YWHAQ: variants seen among roughly 807,000 people sequenced by gnomAD.
YWHAQ encodes the protein tyrosine 3-monooxygenase/tryptophan 5-monooxygenase activation protein theta.
In YWHAQ, 6 loss-of-function variants were observed where a neutral mutation model predicts 28.3. The observed-to-expected ratio is 0.21, with a 90% CI of 0.12 to 0.42. YWHAQ has a LOEUF of 0.42. YWHAQ is among the 10% of genes least tolerant of loss of function. The pLI is 1.00. For missense variants in YWHAQ, 201 were observed against 305.6 expected (o/e 0.66, Z 2.55); for synonymous variants, 143 against 119.1 (o/e 1.20, Z -1.31).
At chr2:9,611,564 G>A (rs931794781) in intron 2 of YWHAQ, among the ~76,000 whole-genome samples, 2 of 152,100 alleles carry the variant, frequency 1.3e-5, no homozygotes, top group African/African-American at 4.8e-5. Flanking sequence ...CATCTTTTGG[G>A]AAATACCCCC....
chr2:9,627,116 T>A (rs542810532), intron 2 of YWHAQ, among the ~76,000 whole-genome samples: 2 of 152,380 alleles, frequency 1.3e-5, no homozygotes, highest in South Asian at 4.1e-4. Flanking sequence ...TTTTTTGTGC[T>A]TCCACGGTTC....
At chr2:9,609,565 A>C (rs1045356998) in intron 2 of YWHAQ, among the ~76,000 whole-genome samples, 1 of 150,830 alleles carries the variant, frequency 6.6e-6, no homozygotes, top group Non-Finnish European at 1.5e-5. Flanking sequence ...TAGGAAAAGC[A>C]CAATAAATCC....
At chr2:9,604,987 T>G (rs186405278) in intron 2 of YWHAQ, among the ~76,000 whole-genome samples, 1 of 152,318 alleles carries the variant, frequency 6.6e-6, no homozygotes, top group African/African-American at 2.4e-5. Flanking sequence ...CATGTTGAAA[T>G]GGATGCAACA....
In YWHAQ at chr2:9,586,508, G is replaced by A. The variant is rs577235435; in HGVS notation, c.678+906C>T. Among the ~76,000 whole-genome samples, 47 of 152,236 alleles carry A rather than the reference G, an allele frequency of 3.1e-4. 1 individual carries two copies. In the Middle Eastern group the frequency reaches 0.017, roughly 55 times the overall value. On this transcript the variant is annotated intron_variant, in intron 5 of 5. Coordinates refer to ENST00000238081, the MANE Select transcript of YWHAQ (RefSeq NM_006826.4). ...CGATTAAAAGATAGTTAGCTCCAAG[G>A]TATACATCTGGGAAGAGGTATAACT...
chr2:9,591,596 G>A (rs1366455576), intron 2 of YWHAQ, 81 bp from the exon 3 acceptor site: 1 of 1,504,264 alleles, frequency 6.6e-7, no homozygotes, highest in Admixed American at 1.9e-5. Context: ...CTTCTGCCTA[G>A]CGGGCATTTC....
intron 2 of YWHAQ, among the ~76,000 whole-genome samples, chr2:9,609,478 G>C (rs1342074410): frequency 5.3e-5 from 8 of 152,086 alleles, no homozygotes; most frequent in African/African-American, 1.7e-4. Flanking sequence ...TTTCAGGAGA[G>C]AACAGAAAGA....
At chr2:9,600,711 A>C (rs923420078) in intron 2 of YWHAQ, among the ~76,000 whole-genome samples, 1 of 151,450 alleles carries the variant, frequency 6.6e-6, no homozygotes, top group Admixed American at 6.6e-5. Flanking sequence ...GTCTCAAAAA[A>C]AAAGAAAAAA....
chr2:9,610,802 C>A (rs1382674008), intron 2 of YWHAQ, among the ~76,000 whole-genome samples: 1 of 152,110 alleles, frequency 6.6e-6, no homozygotes, highest in Non-Finnish European at 1.5e-5. Flanking sequence ...GCCACCGCAC[C>A]CTGCCTACTC....
chr2:9,587,790 T>C (rs1485445224), intron 4 of YWHAQ, among the ~76,000 whole-genome samples: 3 of 152,260 alleles, frequency 2.0e-5, no homozygotes, highest in Non-Finnish European at 2.9e-5. Flanking sequence ...AAGTAGTACT[T>C]ATCTCTACAG....
intron 2 of YWHAQ, among the ~76,000 whole-genome samples, chr2:9,597,418 T>A (rs11902431): frequency 0.17 from 25,999 of 151,910 alleles, 3,125 homozygotes; most frequent in African/African-American, 0.34. Context: ...GAGGCCGGGG[T>A]GGGCGGATCA....
Position 9,590,836 on chromosome 2 carries a change from T to C in YWHAQ, c.418+556A>G, listed in dbSNP as rs1666441753. Among the ~76,000 whole-genome samples, 3 of 152,226 alleles carry C rather than the reference T, an allele frequency of 2.0e-5. No individual in the cohort carries two copies. In the South Asian group the frequency reaches 6.2e-4, roughly 32 times the overall value. Reference sequence around the variant, plus strand: ...AACCTAACCATGAGTCATTCAAACTTACTGTGAAGTTGGAGCAAGTTATAC... The same window carrying C: ...AACCTAACCATGAGTCATTCAAACTCACTGTGAAGTTGGAGCAAGTTATAC... On this transcript the variant is annotated intron_variant, in intron 3 of 5. Coordinates refer to ENST00000238081, the MANE Select transcript of YWHAQ (RefSeq NM_006826.4).
At position 9,630,520 on chromosome 2, in the gene YWHAQ, G is replaced by GA; in HGVS notation, c.-69dup. ...GAGGGCGAGCGCCGACCCGCAGCGG[G>GA]AGGAGCCTCGAGAGCTGCGGAGGGG... On this transcript the variant is annotated 5_prime_UTR_variant, in exon 2 of 6. Coordinates refer to ENST00000238081, the MANE Select transcript of YWHAQ (RefSeq NM_006826.4). The surrounding 1 kb of genome is among the most constrained non-coding windows in gnomAD (Gnocchi z 5.6). 1 of 1,424,906 alleles carries GA rather than the reference G, an allele frequency of 7.0e-7. No homozygotes were observed. Among genetic ancestry groups the GA allele is most frequent in the Non-Finnish European group, 9.3e-7 (1 of 1,076,490 alleles). The allele number at this position is 1,424,906 out of a possible 1,614,324, so 88.3% of individuals were successfully genotyped here. A position where few individuals can be genotyped will look rare whatever the true frequency, so the allele number is the denominator to read the frequency against.
chr2:9,589,790 T>C lies in YWHAQ; in HGVS notation c.419-1462A>G, dbSNP rs146208717. Among the ~76,000 whole-genome samples, 226 of 152,292 alleles carry C rather than the reference T, an allele frequency of 1.5e-3. 1 individual carries two copies. Among genetic ancestry groups the C allele is most frequent in the African/African-American group, 5.3e-3 (219 of 41,570 alleles). Reference sequence around the variant, plus strand: ...TCTGACCAGAGTTTGATTACTAGCCTAATTAAAATGTTACTCCCCCTTCAA... The same window carrying C: ...TCTGACCAGAGTTTGATTACTAGCCCAATTAAAATGTTACTCCCCCTTCAA... On this transcript the variant is annotated intron_variant, in intron 3 of 5. Transcript: ENST00000238081.
At chr2:9,605,685 C>T (rs983314731) in intron 2 of YWHAQ, among the ~76,000 whole-genome samples, 7 of 152,142 alleles carry the variant, frequency 4.6e-5, no homozygotes, top group East Asian at 1.9e-4. Context: ...CTCAGCCTCC[C>T]CAGTAGCTGG....
At chr2:9,591,339 C>T (rs892737315) in intron 3 of YWHAQ, 53 bp downstream of exon 3, 1 of 1,579,404 alleles carries the variant, frequency 6.3e-7, no homozygotes, top group East Asian at 2.3e-5. Flanking sequence ...TCCCATTTAT[C>T]CCCATTTCTT....
chr2:9,604,833 C>T (rs1054444235), intron 2 of YWHAQ, among the ~76,000 whole-genome samples: 2 of 152,190 alleles, frequency 1.3e-5, no homozygotes, highest in African/African-American at 4.8e-5. Flanking sequence ...TTCTGAAGCA[C>T]TAAACCAAAA....
In YWHAQ at chr2:9,604,644, G is replaced by A. The variant is rs181903993; in HGVS notation, c.295-13129C>T. Reference sequence around the variant, plus strand: ...ATCACAAACACAGTATTAAGGAGACGCAAAACCTGCATGTAAGGAGGGCCG... The same window carrying A: ...ATCACAAACACAGTATTAAGGAGACACAAAACCTGCATGTAAGGAGGGCCG... On this transcript the variant is annotated intron_variant, in intron 2 of 5. Coordinates refer to ENST00000238081, the MANE Select transcript of YWHAQ (RefSeq NM_006826.4). Among the ~76,000 whole-genome samples the A allele has an allele frequency of 1.5e-3, 222 of 152,228 alleles. 1 individual carries two copies. The highest frequency in any genetic ancestry group is 5.2e-3 in the African/African-American group (215 of 41,534).
rs1384800057 is a variant in YWHAQ, at chr2:9,630,707, A to C, written c.-82-173T>G. On this transcript the variant is annotated intron_variant, in intron 1 of 5. Transcript: ENST00000238081. This position sits in a 1 kb window ranked among gnomAD's most constrained non-coding sequence, Gnocchi z 5.6. ...GGAGGCCGCGGCCCGCGGCTGGAGG[A>C]GGCGGGGGCGGCGCGGAGGCCCCGC... 2 of 212,286 alleles carry C rather than the reference A, an allele frequency of 9.4e-6. No individual in the cohort carries two copies. Among genetic ancestry groups the C allele is most frequent in the Non-Finnish European group, 1.8e-5 (2 of 109,678 alleles). The allele number at this position is 212,286 out of a possible 1,614,324, so 13.2% of individuals were successfully genotyped here.
At chr2:9,619,190 A>C (rs1667092664) in intron 2 of YWHAQ, among the ~76,000 whole-genome samples, 1 of 152,214 alleles carries the variant, frequency 6.6e-6, no homozygotes, top group Admixed American at 6.5e-5. Context: ...TTTGATTACA[A>C]GCAGAAATGT....
Sources: allele counts gnomAD v4.1 joint callset (sites outside exome capture counted in the v4.1 genomes callset), GRCh38; gene constraint gnomAD v4.1.1; non-coding constraint Gnocchi (gnomAD v3.1); transcripts MANE v1.5; gene names NCBI Gene and HGNC (gene_info 2026-07-23, HGNC 2026-07-21).